The following MEOX1 variants were observed in gnomAD, a reference collection of about 807,000 sequenced individuals.
MEOX1 encodes the protein mesenchyme homeobox 1, also known as homeobox protein MOX-1.
In MEOX1, 17 loss-of-function variants were observed where a neutral mutation model predicts 23.2. That is an observed-to-expected ratio of 0.73 (90% CI 0.50 to 1.10). The LOEUF (loss-of-function observed/expected upper bound fraction) is 1.10, where lower values mean the gene tolerates loss of function less well. MEOX1 is among the 50% of genes least tolerant of loss of function. The pLI, the probability that MEOX1 is intolerant of heterozygous loss-of-function variation, is 0.00. For synonymous variants in MEOX1, 134 were observed against 135.1 expected, an observed-to-expected ratio of 0.99 and a Z score of 0.06; for missense variants, 333 against 332.2, an observed-to-expected ratio of 1.00 and a Z score of -0.02.
In MEOX1 at chr17:43,661,857, C is replaced by G; in HGVS notation, c.-323G>C. On this transcript the variant is annotated 5_prime_UTR_variant, in exon 1 of 3. Coordinates refer to ENST00000318579, the MANE Select transcript of MEOX1 (RefSeq NM_004527.4). ...ATGACACTAAACATTTTCACTGTCC[C>G]AACCCAGACGCACCAGCTGACGAGG... The G allele has an allele frequency of 4.1e-6, 1 of 244,044 alleles. No individual in the cohort carries two copies. The highest frequency in any genetic ancestry group is 7.7e-6 in the Non-Finnish European group (1 of 129,050). 15.1% of individuals were successfully genotyped at this position (244,044 alleles called of 1,614,324 possible). A position where few individuals can be genotyped will look rare whatever the true frequency, so the allele number is the denominator to read the frequency against.
intron 1 of MEOX1, among the ~76,000 whole-genome samples, chr17:43,653,476 CCTT>C: frequency 6.6e-6 from 1 of 150,652 alleles, no homozygotes; most frequent in Non-Finnish European, 1.5e-5. Flanking sequence ...CAAACAGCTC[CCTT>C]CTTTAGAGAT....
At position 43,641,807 on chromosome 17, in the gene MEOX1, G is replaced by C. The variant is rs73984021; in HGVS notation, c.*103C>G. 1.5e-3 allele frequency: 1,806 copies of C among 1,240,776 alleles called. 13 individuals are homozygous for C. The African/African-American group carries it at 0.016, about 11-fold the overall frequency. The allele number at this position is 1,240,776 out of a possible 1,614,324, so 76.9% of individuals were successfully genotyped here. ...TCCAAGAGTCAGGGAAAGATGTGGA[G>C]AGGCTGCCCTGGCTGGGGAAGGAAG... is the stretch of plus-strand genomic sequence containing the variant. On this transcript the variant is annotated 3_prime_UTR_variant, in exon 3 of 3. Coordinates refer to ENST00000318579, the MANE Select transcript of MEOX1 (RefSeq NM_004527.4).
intron 1 of MEOX1, among the ~76,000 whole-genome samples, chr17:43,657,047 TTTC>T (rs1973041070): frequency 7.1e-6 from 1 of 140,120 alleles, no homozygotes; most frequent in Admixed American, 7.2e-5. Flanking sequence ...TCTTTCTTTC[TTTC>T]TTTCTTTCCT....
chr17:43,643,137 C>T (rs1473349441), intron 2 of MEOX1, among the ~76,000 whole-genome samples: 4 of 146,948 alleles, frequency 2.7e-5, no homozygotes, highest in Admixed American at 1.3e-4. Flanking sequence ...GGTGAAACCC[C>T]GCCTCTACTA....
intron 1 of MEOX1, among the ~76,000 whole-genome samples, chr17:43,658,290 C>T (rs535074387): frequency 3.3e-5 from 5 of 152,260 alleles, no homozygotes; most frequent in East Asian, 1.9e-4. Context: ...GGGCTGATCA[C>T]GAGGTCAGGA....
chr17:43,655,214 T>C (rs1171539221), intron 1 of MEOX1, among the ~76,000 whole-genome samples: 3 of 152,178 alleles, frequency 2.0e-5, no homozygotes, highest in African/African-American at 2.4e-5. Context: ...GGCTCACGCC[T>C]GTAGTCCCAG....
intron 1 of MEOX1, among the ~76,000 whole-genome samples, chr17:43,644,307 C>T (rs989815458): frequency 2.0e-5 from 3 of 152,236 alleles, no homozygotes; most frequent in Non-Finnish European, 2.9e-5. Context: ...GACCTACCTA[C>T]GGAATCAGAA....
intron 1 of MEOX1, among the ~76,000 whole-genome samples, chr17:43,653,816 C>T (rs1023886118): frequency 6.6e-5 from 10 of 152,082 alleles, no homozygotes; most frequent in African/African-American, 2.2e-4. Context: ...CCAACTGCCT[C>T]CACTTTTTAT....
At chr17:43,647,978 A>G (rs1399759122) in intron 1 of MEOX1, among the ~76,000 whole-genome samples, 1 of 152,242 alleles carries the variant, frequency 6.6e-6, no homozygotes, top group Non-Finnish European at 1.5e-5. Flanking sequence ...GTTGGAAATG[A>G]TGAAGGGACC....
At chr17:43,650,886 C>T (rs946576481) in intron 1 of MEOX1, among the ~76,000 whole-genome samples, 7 of 152,168 alleles carry the variant, frequency 4.6e-5, no homozygotes, top group Non-Finnish European at 1.0e-4. Flanking sequence ...CTCACTGAGC[C>T]CTGCCCCACC....
In MEOX1 at chr17:43,657,075, TTTCTTTTC is replaced by T. The variant is rs1194536211; in HGVS notation, c.469+3983_469+3990del. ...CTTTCTTTCCTTCCTTCCTTCTTTCTTTCTTTTCTTTCTTTCTTTTTCTTTCTCTCTTT... is the reference window on the plus strand; with the variant it reads ...CTTTCTTTCCTTCCTTCCTTCTTTCTTTTCTTTCTTTTTCTTTCTCTCTTT... On this transcript the variant is annotated intron_variant, in intron 1 of 2. Transcript: ENST00000318579. Among the ~76,000 whole-genome samples, 37 of 128,148 alleles carry T rather than the reference TTTCTTTTC, an allele frequency of 2.9e-4. 1 individual carries two copies. Among genetic ancestry groups the T allele is most frequent in the African/African-American group, 9.9e-4 (36 of 36,516 alleles). The allele number at this position is 128,148 out of a possible 152,430, so 84.1% of individuals were successfully genotyped here. A position where few individuals can be genotyped will look rare whatever the true frequency, so the allele number is the denominator to read the frequency against.
At chr17:43,649,966 G>A (rs1048169855) in intron 1 of MEOX1, among the ~76,000 whole-genome samples, 3 of 152,170 alleles carry the variant, frequency 2.0e-5, no homozygotes, top group African/African-American at 4.8e-5. Context: ...GCAGGCCTTC[G>A]TAAAGTGAGC....
At position 43,660,063 on chromosome 17, in the gene MEOX1, C is replaced by T. The variant is rs548253162; in HGVS notation, c.469+1003G>A. On this transcript the variant is annotated intron_variant, in intron 1 of 2. Coordinates refer to ENST00000318579, the MANE Select transcript of MEOX1 (RefSeq NM_004527.4). ...TCCTCTACAGGCTCCGACAGACAGG[C>T]GTGCCCCTGAGGGCGGCTGTCAGGA... Among the ~76,000 whole-genome samples, 3 of 152,330 alleles carry T rather than the reference C, an allele frequency of 2.0e-5. No homozygotes were observed. In the South Asian group the frequency reaches 6.2e-4, roughly 32 times the overall value.
chr17:43,652,691 T>A (rs1972938522), intron 1 of MEOX1, among the ~76,000 whole-genome samples: 1 of 152,106 alleles, frequency 6.6e-6, no homozygotes, highest in Admixed American at 6.6e-5. Flanking sequence ...CCCTTCCTCC[T>A]ATTACTGTAC....
intron 1 of MEOX1, among the ~76,000 whole-genome samples, chr17:43,660,862 G>A (rs940352022): frequency 7.2e-5 from 11 of 152,242 alleles, no homozygotes; most frequent in East Asian, 3.9e-4. Flanking sequence ...GGGCCCAGGA[G>A]TGCTGGGACA....
Position 43,641,815 on chromosome 17 carries a change from C to G in MEOX1, c.*95G>C. 7.5e-7 allele frequency: 1 copy of G among 1,341,896 alleles called. No individual in the cohort carries two copies. The highest frequency in any genetic ancestry group is 1.4e-5 in the South Asian group (1 of 72,124). The allele number at this position is 1,341,896 out of a possible 1,614,324, so 83.1% of individuals were successfully genotyped here. The stretch of plus-strand genomic sequence containing the variant: ...TCAGGGAAAGATGTGGAGAGGCTGC[C>G]CTGGCTGGGGAAGGAAGAGGGTGAA... On this transcript the variant is annotated 3_prime_UTR_variant, in exon 3 of 3. Transcript: ENST00000318579.
At chr17:43,657,403 T>C (rs926051531) in intron 1 of MEOX1, among the ~76,000 whole-genome samples, 1 of 150,512 alleles carries the variant, frequency 6.6e-6, no homozygotes, top group African/African-American at 2.5e-5. Context: ...GCCAGGTCAG[T>C]CTTGAACTCC....
intron 1 of MEOX1, among the ~76,000 whole-genome samples, chr17:43,643,917 A>G (rs1972753769): frequency 9.5e-6 from 1 of 105,256 alleles, no homozygotes; most frequent in Admixed American, 1.5e-4. Flanking sequence ...TTTTATTCCC[A>G]AAGCATAAGA....
intron 1 of MEOX1, among the ~76,000 whole-genome samples, chr17:43,658,985 G>T (rs535321830): frequency 6.6e-6 from 1 of 152,218 alleles, no homozygotes; most frequent in Non-Finnish European, 1.5e-5. Context: ...CCTGAAGCAT[G>T]CAGGCCGTTC....
Sources: allele counts gnomAD v4.1 joint callset (sites outside exome capture counted in the v4.1 genomes callset), GRCh38; gene constraint gnomAD v4.1.1; transcripts MANE v1.5; gene names NCBI Gene and HGNC (gene_info 2026-07-23, HGNC 2026-07-21).